Variants in KLHL1 observed in about 807,000 individuals in gnomAD.
KLHL1 encodes kelch-like protein 1.
Under a neutral mutation model 77.7 loss-of-function variants are expected in KLHL1, and 47 were observed. The observed-to-expected ratio is 0.60, with a 90% CI of 0.48 to 0.77. KLHL1 has a LOEUF of 0.77. Among genes scored for constraint, KLHL1 ranks in the 30% least tolerant of loss-of-function variants. The pLI, the probability that KLHL1 is intolerant of heterozygous loss-of-function variation, is 0.00. For missense variants in KLHL1, 925 were observed against 910.8 expected (o/e 1.02, Z -0.20); for synonymous variants, 360 against 325.2 (o/e 1.11, Z -1.15).
intron 1 of KLHL1, among the ~76,000 whole-genome samples, chr13:70,074,157 T>C (rs895468534): frequency 7.2e-5 from 11 of 152,138 alleles, no homozygotes; most frequent in African/African-American, 2.7e-4. Context: ...CCCATAAAAA[T>C]TTTGATATTC....
chr13:69,797,001 A>G (rs1234920741), intron 6 of KLHL1, 39 bp from the exon 7 acceptor site: 2 of 1,523,696 alleles, frequency 1.3e-6, no homozygotes, highest in African/African-American at 2.7e-5. Context: ...CAATTGCTAT[A>G]AATTCAACAA....
chr13:70,102,534 A>C (rs770366760), intron 1 of KLHL1, among the ~76,000 whole-genome samples: 3 of 152,096 alleles, frequency 2.0e-5, no homozygotes, highest in Non-Finnish European at 4.4e-5. Flanking sequence ...TTTCTCCATA[A>C]CCTCAGATGC....
chr13:69,893,226 AT>A (rs1175438919), intron 4 of KLHL1, among the ~76,000 whole-genome samples: 2,315 of 142,426 alleles, frequency 0.016, 48 homozygotes, highest in African/African-American at 0.052. Flanking sequence ...AGCTACATAA[AT>A]TTTTTTTTTT....
intron 7 of KLHL1, among the ~76,000 whole-genome samples, chr13:69,767,552 A>G (rs1284185333): frequency 6.6e-6 from 1 of 152,132 alleles, no homozygotes; most frequent in African/African-American, 2.4e-5. Flanking sequence ...AACTTTTAAA[A>G]ACAGTAAATA....
At position 69,940,510 on chromosome 13, in the gene KLHL1, T is replaced by C. The variant is rs547107424; in HGVS notation, c.818-274A>G. On this transcript the variant is annotated intron_variant, in intron 3 of 10. Transcript: ENST00000377844. Reference sequence around the variant, plus strand: ...GCAGAAATGATAGTTCTTCCTTTGATTGTGAAATAAGGAAAATAGAAAAAT... The same window carrying C: ...GCAGAAATGATAGTTCTTCCTTTGACTGTGAAATAAGGAAAATAGAAAAAT... Among the ~76,000 whole-genome samples, 14 of 152,196 alleles carry C rather than the reference T, an allele frequency of 9.2e-5. No individual in the cohort carries two copies. The East Asian group carries it at 2.7e-3, about 29-fold the overall frequency.
intron 5 of KLHL1, among the ~76,000 whole-genome samples, chr13:69,876,613 C>T (rs1880772313): frequency 6.6e-6 from 1 of 152,082 alleles, no homozygotes; most frequent in African/African-American, 2.4e-5. Context: ...CTACCTTTTG[C>T]TACAGAAAAT....
At chr13:69,940,356 C>G (rs1290577833) in intron 3 of KLHL1, 120 bp from the exon 4 acceptor site, 1 of 657,014 alleles carries the variant, frequency 1.5e-6, no homozygotes, top group Admixed American at 3.9e-5. Context: ...GATTGGTAAT[C>G]AAGATAAATA....
chr13:69,893,667 CA>C (rs1199464209), intron 4 of KLHL1, among the ~76,000 whole-genome samples: 5 of 152,072 alleles, frequency 3.3e-5, no homozygotes, highest in African/African-American at 1.2e-4. Context: ...AAAGTTGGTA[CA>C]AAACATAAAT....
At chr13:69,701,787 T>C (rs376864097) in intron 10 of KLHL1, 26 bp from the exon 11 acceptor site, 54 of 1,516,476 alleles carry the variant, frequency 3.6e-5, no homozygotes, top group Non-Finnish European at 4.3e-5. Context: ...AAACACAACT[T>C]AAGACAAGTT....
intron 7 of KLHL1, among the ~76,000 whole-genome samples, chr13:69,759,620 G>A (rs1343465226): frequency 6.6e-6 from 1 of 152,138 alleles, no homozygotes. Context: ...CCAGCTTACA[G>A]ATAGTCTGAA....
intron 7 of KLHL1, among the ~76,000 whole-genome samples, chr13:69,780,731 T>TAC (rs1445956736): frequency 0.082 from 6,190 of 75,224 alleles, 425 homozygotes; most frequent in Non-Finnish European, 0.11. Flanking sequence ...TATATATATA[T>TAC]ACATATATAT....
Position 69,975,696 on chromosome 13 carries a change from T to C in KLHL1, c.604A>G (p.Met202Val), listed in dbSNP as rs1441567965. 6.2e-7 allele frequency: 1 copy of C among 1,613,698 alleles called. No individual in the cohort carries two copies. Among genetic ancestry groups the C allele is most frequent in the South Asian group, 1.1e-5 (1 of 91,058 alleles). Residue 202 changes from methionine to valine, a missense_variant, in exon 2 of 11, where the codon ATG (methionine) becomes GTG (valine). Physicochemically the swap from Met to Val is conservative, Grantham distance 21. Coordinates refer to ENST00000377844, the MANE Select transcript of KLHL1 (RefSeq NM_020866.3). ...TGCTGCTGCTTCAAATAACTTTCCA[T>C]CTTTCTGAAGGTTTGCTCAGCATGA... ...VHHAEQTFRKMESYLKQQQLC... is the reference protein window; with the variant it reads ...VHHAEQTFRKVESYLKQQQLC...
intron 1 of KLHL1, among the ~76,000 whole-genome samples, chr13:70,076,552 C>T (rs79532887): frequency 7.3e-5 from 11 of 151,444 alleles, no homozygotes; most frequent in South Asian, 2.1e-4. Context: ...TACATGACCT[C>T]GGGTTTGACA....
chr13:69,869,824 T>C (rs1017265509), intron 5 of KLHL1, among the ~76,000 whole-genome samples: 18 of 152,336 alleles, frequency 1.2e-4, no homozygotes, highest in Admixed American at 7.9e-4. Context: ...ATTACAGAAG[T>C]TGTAAACTAA....
Position 70,019,901 on chromosome 13 carries a change from C to T in KLHL1, c.498-44099G>A, listed in dbSNP as rs554918959. On this transcript the variant is annotated intron_variant, in intron 1 of 10. Transcript: ENST00000377844. ...GTTTAGGTCATGAAGGCTCCATCCT[C>T]ATGAATAATTAATCCTTTCATAAAA... 2.6e-5 allele frequency among the ~76,000 whole-genome samples: 4 copies of T among 152,254 alleles called. No individual in the cohort carries two copies. The East Asian group carries it at 7.7e-4, about 29-fold the overall frequency.
intron 1 of KLHL1, among the ~76,000 whole-genome samples, chr13:69,985,383 T>C (rs1884833853): frequency 6.6e-6 from 1 of 151,442 alleles, no homozygotes; most frequent in Non-Finnish European, 1.5e-5. Flanking sequence ...TGAAGAAAAA[T>C]GAAAAATGCT....
intron 8 of KLHL1, among the ~76,000 whole-genome samples, chr13:69,738,186 G>A (rs1204256506): frequency 1.3e-5 from 2 of 152,032 alleles, no homozygotes; most frequent in Admixed American, 6.6e-5. Context: ...AAAACAAACA[G>A]AAAGCAACAA....
chr13:69,981,476 T>C (rs562635452), intron 1 of KLHL1, among the ~76,000 whole-genome samples: 1 of 152,090 alleles, frequency 6.6e-6, no homozygotes, highest in Admixed American at 6.5e-5. Context: ...AAATCACTCT[T>C]ACATACATAG....
At chr13:69,764,207 A>G (rs908573095) in intron 7 of KLHL1, among the ~76,000 whole-genome samples, 2 of 152,214 alleles carry the variant, frequency 1.3e-5, no homozygotes, top group African/African-American at 4.8e-5. Context: ...ATTTCAGCCA[A>G]TCACAGGTGA....
Sources: allele counts gnomAD v4.1 joint callset (sites outside exome capture counted in the v4.1 genomes callset), GRCh38; gene constraint gnomAD v4.1.1; transcripts MANE v1.5; gene names NCBI Gene and HGNC (gene_info 2026-07-23, HGNC 2026-07-21).